The following ASCC3 variants were observed in gnomAD, a reference collection of about 807,000 sequenced individuals.
ASCC3 encodes the protein ASC-1 complex subunit P200.
In ASCC3, 158 loss-of-function variants were observed where a neutral mutation model predicts 256.3. That is an observed-to-expected ratio of 0.62 (90% CI 0.54 to 0.70). The LOEUF (loss-of-function observed/expected upper bound fraction) is 0.70, where lower values mean the gene tolerates loss of function less well. Among genes scored for constraint, ASCC3 ranks in the 30% least tolerant of loss-of-function variants. The pLI is 0.00. For synonymous variants in ASCC3, 948 were observed against 883.4 expected, an observed-to-expected ratio of 1.07 and a Z score of -1.30; for missense variants, 2,259 against 2,626.0, an observed-to-expected ratio of 0.86 and a Z score of 3.05.
intron 16 of ASCC3, among the ~76,000 whole-genome samples, chr6:100,659,534 T>C (rs1032863158): frequency 9.2e-5 from 14 of 151,540 alleles, no homozygotes; most frequent in Non-Finnish European, 7.4e-5. Flanking sequence ...TATAGCTAGC[T>C]GACATTCCTG....
At chr6:100,638,503 C>G in intron 25 of ASCC3, 98 bp downstream of exon 25, 1 of 1,012,048 alleles carries the variant, frequency 9.9e-7, no homozygotes, top group Non-Finnish European at 1.5e-6. Context: ...AGTGACAAAT[C>G]TATTCATTAG....
At chr6:100,719,742 A>C (rs575862773) in intron 11 of ASCC3, among the ~76,000 whole-genome samples, 1 of 152,096 alleles carries the variant, frequency 6.6e-6, no homozygotes, top group South Asian at 2.1e-4. Flanking sequence ...ATTACAAAAA[A>C]TTAAAAATTT....
At chr6:100,536,163 A>G (rs1282140226) in intron 37 of ASCC3, among the ~76,000 whole-genome samples, 1 of 152,192 alleles carries the variant, frequency 6.6e-6, no homozygotes, top group African/African-American at 2.4e-5. Flanking sequence ...TAGTAATTCT[A>G]AAACTACAAC....
intron 27 of ASCC3, among the ~76,000 whole-genome samples, chr6:100,628,787 CAG>C (rs780627119): frequency 1.3e-5 from 2 of 151,942 alleles, no homozygotes; most frequent in African/African-American, 2.4e-5. Flanking sequence ...AATGTGAGCA[CAG>C]ATTAATACAC....
At chr6:100,745,826 G>A (rs973312599) in intron 10 of ASCC3, among the ~76,000 whole-genome samples, 1 of 152,082 alleles carries the variant, frequency 6.6e-6, no homozygotes, top group African/African-American at 2.4e-5. Context: ...TTTAATAAAT[G>A]AGGGATACGT....
At position 100,518,019 on chromosome 6, in the gene ASCC3, T is replaced by C. The variant is rs1180914992; in HGVS notation, c.5899A>G (p.Ile1967Val). 4 of 1,613,476 alleles carry C rather than the reference T, an allele frequency of 2.5e-6. No homozygotes were observed. Among genetic ancestry groups the C allele is most frequent in the Admixed American group, 3.3e-5 (2 of 59,950 alleles). The change falls in exon 38 of 42, where the codon ATA becomes GTA. Residue 1967 changes from isoleucine (I) to valine (V), a missense_variant. Coordinates refer to ENST00000369162, the MANE Select transcript of ASCC3 (RefSeq NM_006828.4). Reference protein sequence around the residue: ...KDSSLLTLPNIENHHLHLFKK... With the variant: ...KDSSLLTLPNVENHHLHLFKK... ...AAAAGGTGAAGATGATGGTTTTCTATGTTTGGTAGTGTAAGAAGAGAAGAG... is the reference window on the plus strand; with the variant it reads ...AAAAGGTGAAGATGATGGTTTTCTACGTTTGGTAGTGTAAGAAGAGAAGAG...
chr6:100,579,593 T>C (rs963025719), intron 36 of ASCC3, among the ~76,000 whole-genome samples: 3 of 152,142 alleles, frequency 2.0e-5, no homozygotes, highest in South Asian at 2.1e-4. Context: ...ATTTATTGAA[T>C]AGGGAGTCTT....
At chr6:100,639,247 T>G (rs1316270793) in intron 24 of ASCC3, among the ~76,000 whole-genome samples, 1 of 152,202 alleles carries the variant, frequency 6.6e-6, no homozygotes, top group Non-Finnish European at 1.5e-5. Flanking sequence ...GCAAGAGCAG[T>G]TGAGTTAACT....
At chr6:100,631,579 T>C (rs968773401) in intron 25 of ASCC3, among the ~76,000 whole-genome samples, 4 of 151,714 alleles carry the variant, frequency 2.6e-5, no homozygotes, top group East Asian at 1.9e-4. Context: ...AAGAGAAAAT[T>C]AGGGTTCTGA....
In ASCC3 at chr6:100,646,680, G is replaced by A. The variant is rs1236235662; in HGVS notation, c.3568C>T (p.Pro1190Ser). ...ACTCGGAGGACAGTCCTTGTGATAG[G>A]CTGAATGGATGCTTCCATCATAACA... ...PSVMMEASIQ[P>S]ITRTVLRVTL... is the part of the protein sequence containing the mutation. The change falls in exon 22 of 42, where the codon CCT (proline) becomes TCT (serine). Residue 1190 changes from proline (P) to serine (S), a missense_variant. Around this residue, in one of 2 missense-constraint regions of ASCC3, gnomAD observed 1,839 missense variants for 2,206.7 expected, o/e 0.83. Transcript: ENST00000369162. 6.2e-7 allele frequency: 1 copy of A among 1,613,598 alleles called. No homozygotes were observed. Among genetic ancestry groups the A allele is most frequent in the Non-Finnish European group, 8.5e-7 (1 of 1,179,594 alleles).
chr6:100,742,573 T>C (rs1780488024), intron 10 of ASCC3, among the ~76,000 whole-genome samples: 1 of 152,190 alleles, frequency 6.6e-6, no homozygotes, highest in African/African-American at 2.4e-5. Flanking sequence ...CTGGAGTGGC[T>C]GAAGCCCCCA....
chr6:100,599,542 T>C (rs1011210132), intron 34 of ASCC3, among the ~76,000 whole-genome samples: 6 of 152,150 alleles, frequency 3.9e-5, no homozygotes, highest in Non-Finnish European at 8.8e-5. Context: ...TAAATGTTAA[T>C]TTCCTGATTT....
chr6:100,520,614 T>A (rs1446203815), intron 37 of ASCC3, among the ~76,000 whole-genome samples: 2 of 152,148 alleles, frequency 1.3e-5, no homozygotes, highest in Non-Finnish European at 2.9e-5. Context: ...TGAACCTGCA[T>A]ATACAACAGT....
chr6:100,836,727 G>A (rs540753561), intron 4 of ASCC3, among the ~76,000 whole-genome samples: 1 of 152,030 alleles, frequency 6.6e-6, no homozygotes, highest in African/African-American at 2.4e-5. Context: ...TCCTTATCTG[G>A]TTTTGGTATC....
chr6:100,552,264 A>G (rs1261891450), intron 36 of ASCC3, among the ~76,000 whole-genome samples: 1 of 151,942 alleles, frequency 6.6e-6, no homozygotes, highest in Non-Finnish European at 1.5e-5. Flanking sequence ...ATCTTTGTTT[A>G]TAATTATGTA....
intron 4 of ASCC3, among the ~76,000 whole-genome samples, chr6:100,820,843 C>G: frequency 6.6e-6 from 1 of 152,080 alleles, no homozygotes. Context: ...TCTGCATGGA[C>G]TATACACGAA....
rs371964297 is a variant in ASCC3, at chr6:100,832,399, T to A, written c.801+15749A>T. 5.0e-4 allele frequency among the ~76,000 whole-genome samples: 76 copies of A among 152,156 alleles called. 1 individual carries two copies. The South Asian group carries it at 5.2e-3, about 10-fold the overall frequency. On this transcript the variant is annotated intron_variant, in intron 4 of 41. Transcript: ENST00000369162. The stretch of plus-strand genomic sequence containing the variant: ...AAAAAAATTTAAACACTTTAAGATA[T>A]ACAAAGACTAAAAACTTAGCACCCA...
chr6:100,535,326 A>T (rs1562100515), intron 37 of ASCC3, among the ~76,000 whole-genome samples: 1 of 152,176 alleles, frequency 6.6e-6, no homozygotes, highest in Non-Finnish European at 1.5e-5. Context: ...ACAGAATTAG[A>T]ACTGCCAATC....
intron 11 of ASCC3, among the ~76,000 whole-genome samples, chr6:100,723,929 T>C: frequency 7.1e-6 from 1 of 141,288 alleles, no homozygotes; most frequent in East Asian, 2.1e-4. Context: ...ATATATATAA[T>C]ATATATATAT....
Sources: allele counts gnomAD v4.1 joint callset (sites outside exome capture counted in the v4.1 genomes callset), GRCh38; gene constraint gnomAD v4.1.1; regional missense constraint gnomAD v4.1.1; transcripts MANE v1.5; gene names NCBI Gene and HGNC (gene_info 2026-07-23, HGNC 2026-07-21).